The following NELL1 variants were observed in gnomAD, a reference collection of about 807,000 sequenced individuals.
NELL1 encodes the protein protein kinase C-binding protein NELL1.
A neutral mutation model predicts 107.4 loss-of-function variants in NELL1; 76 were observed. The observed-to-expected ratio is 0.71, with a 90% confidence interval of 0.59 to 0.86. NELL1 has a LOEUF of 0.86. Among genes scored for constraint, NELL1 ranks in the 40% least tolerant of loss-of-function variants. The pLI is 0.00. For missense variants in NELL1, 1,024 were observed against 1,005.5 expected, an observed-to-expected ratio of 1.02 and a Z score of -0.25; for synonymous variants, 353 against 341.2, an observed-to-expected ratio of 1.03 and a Z score of -0.38.
intron 13 of NELL1, among the ~76,000 whole-genome samples, chr11:21,132,296 G>A (rs1236019048): frequency 6.6e-6 from 1 of 152,148 alleles, no homozygotes; most frequent in African/African-American, 2.4e-5. Flanking sequence ...TCCTTGGGGT[G>A]TTGCCTCACC....
chr11:21,161,644 T>A (rs184522758), intron 13 of NELL1, among the ~76,000 whole-genome samples: 2 of 152,314 alleles, frequency 1.3e-5, no homozygotes, highest in Admixed American at 6.5e-5. Context: ...GTGTATAATT[T>A]AAAAATTTTA....
intron 14 of NELL1, among the ~76,000 whole-genome samples, chr11:21,267,884 G>A (rs1848666058): frequency 6.6e-6 from 1 of 152,070 alleles, no homozygotes; most frequent in Non-Finnish European, 1.5e-5. Context: ...CTCCTGCTCT[G>A]TTTTGGTTTT....
At chr11:21,145,570 G>A (rs1245754830) in intron 13 of NELL1, among the ~76,000 whole-genome samples, 1 of 152,178 alleles carries the variant, frequency 6.6e-6, no homozygotes, top group Non-Finnish European at 1.5e-5. Context: ...ATAGACTGAT[G>A]GTGCTGCTGC....
chr11:20,930,880 A>C (rs539522410), intron 9 of NELL1, among the ~76,000 whole-genome samples: 5 of 150,792 alleles, frequency 3.3e-5, no homozygotes, highest in African/African-American at 9.8e-5. Context: ...CACAGCTCTG[A>C]TTGGTAGTTT....
intron 15 of NELL1, among the ~76,000 whole-genome samples, chr11:21,477,211 G>A (rs1337535004): frequency 6.6e-6 from 1 of 152,034 alleles, no homozygotes; most frequent in Non-Finnish European, 1.5e-5. Flanking sequence ...CTTTGCTTGA[G>A]GAAAGGAGAG....
At chr11:21,413,851 G>A (rs1261670775) in intron 15 of NELL1, among the ~76,000 whole-genome samples, 5 of 152,022 alleles carry the variant, frequency 3.3e-5, no homozygotes, top group African/African-American at 9.7e-5. Flanking sequence ...TAAAATGCAG[G>A]CCATATTTCA....
At chr11:20,946,174 C>A (rs11025829) in intron 10 of NELL1, among the ~76,000 whole-genome samples, 1 of 152,024 alleles carries the variant, frequency 6.6e-6, no homozygotes, top group Non-Finnish European at 1.5e-5. Context: ...ACTGGGATGA[C>A]GGTCTCATGA....
At chr11:21,394,390 A>G (rs964353279) in intron 15 of NELL1, among the ~76,000 whole-genome samples, 1 of 151,530 alleles carries the variant, frequency 6.6e-6, no homozygotes, top group African/African-American at 2.4e-5. Context: ...AGGTATATAT[A>G]CACATAAATG....
At chr11:21,289,576 C>T (rs1849203863) in intron 14 of NELL1, among the ~76,000 whole-genome samples, 1 of 152,184 alleles carries the variant, frequency 6.6e-6, no homozygotes, top group African/African-American at 2.4e-5. Context: ...AAGCACAAAA[C>T]TGGGTGGCAG....
chr11:20,935,318 T>C (rs753717412), intron 9 of NELL1, among the ~76,000 whole-genome samples: 1 of 152,148 alleles, frequency 6.6e-6, no homozygotes, highest in Non-Finnish European at 1.5e-5. Flanking sequence ...CTGAGGGAAG[T>C]CAGCCCTAAG....
At chr11:21,124,955 T>TG (rs1236038605) in intron 13 of NELL1, among the ~76,000 whole-genome samples, 1 of 152,132 alleles carries the variant, frequency 6.6e-6, no homozygotes. Context: ...GAAATCTTCC[T>TG]GGGGTCTCCT....
intron 15 of NELL1, among the ~76,000 whole-genome samples, chr11:21,446,643 C>T (rs1337102337): frequency 1.3e-5 from 2 of 152,186 alleles, no homozygotes; most frequent in South Asian, 2.1e-4. Flanking sequence ...ACTTTCTCCC[C>T]ACAAAACAGG....
chr11:21,121,716 C>T (rs1243463535), intron 13 of NELL1, among the ~76,000 whole-genome samples: 1 of 152,046 alleles, frequency 6.6e-6, no homozygotes, highest in Non-Finnish European at 1.5e-5. Context: ...ATCACTTGCA[C>T]AAACACTTTT....
chr11:20,784,494 G>A (rs1026284959), intron 3 of NELL1, among the ~76,000 whole-genome samples: 3 of 152,140 alleles, frequency 2.0e-5, no homozygotes, highest in Admixed American at 6.5e-5. Flanking sequence ...TAGGTAAGTC[G>A]TTGGAACATA....
chr11:21,141,350 A>G (rs1855862848), intron 13 of NELL1, among the ~76,000 whole-genome samples: 1 of 152,188 alleles, frequency 6.6e-6, no homozygotes, highest in Non-Finnish European at 1.5e-5. Context: ...GGTTTTCTCT[A>G]AGCATCTAGA....
intron 14 of NELL1, among the ~76,000 whole-genome samples, chr11:21,326,570 C>A (rs755019130): frequency 2.2e-4 from 33 of 151,878 alleles, no homozygotes; most frequent in Non-Finnish European, 4.6e-4. Flanking sequence ...TATTTACCAT[C>A]CCTAGCGATC....
chr11:21,302,828 G>A (rs1849523256), intron 14 of NELL1, among the ~76,000 whole-genome samples: 1 of 151,830 alleles, frequency 6.6e-6, no homozygotes, highest in African/African-American at 2.4e-5. Flanking sequence ...GGCCTAGGTG[G>A]GAGGATCACT....
intron 13 of NELL1, among the ~76,000 whole-genome samples, chr11:21,147,058 G>A (rs147417906): frequency 0.013 from 1,908 of 152,210 alleles, 17 homozygotes; most frequent in Non-Finnish European, 0.02. Flanking sequence ...GAAGAGTAAA[G>A]TATCACTTCT....
intron 11 of NELL1, among the ~76,000 whole-genome samples, chr11:20,950,470 T>C (rs991654017): frequency 2.0e-5 from 3 of 152,198 alleles, no homozygotes; most frequent in African/African-American, 7.2e-5. Flanking sequence ...TTGTGAGAAA[T>C]ACTTTTCTTC....
Sources: allele counts gnomAD v4.1 joint callset (sites outside exome capture counted in the v4.1 genomes callset), GRCh38; gene constraint gnomAD v4.1.1; transcripts MANE v1.5; gene names NCBI Gene and HGNC (gene_info 2026-07-23, HGNC 2026-07-21).